The following ADGRV1 variants were observed in gnomAD, a reference collection of about 807,000 sequenced individuals.
The protein encoded by ADGRV1 is adhesion G protein-coupled receptor V1.
In ADGRV1, 359 loss-of-function variants were observed where a neutral mutation model predicts 596.2. The ratio of observed to expected loss-of-function variants is 0.60; its 90% CI spans 0.55 to 0.66. The LOEUF is 0.66. Ranked by LOEUF, ADGRV1 falls within the 30% of genes least tolerant of loss-of-function variation. The pLI is 0.00. For missense variants in ADGRV1, 7,274 were observed against 7,575.6 expected (o/e 0.96, Z 1.48); for synonymous variants, 2,681 against 2,679.2 (o/e 1.00, Z -0.02).
At chr5:90,634,815 A>G (rs1765953088) in intron 9 of ADGRV1, among the ~76,000 whole-genome samples, 1 of 150,482 alleles carries the variant, frequency 6.6e-6, no homozygotes, top group South Asian at 2.1e-4. Flanking sequence ...GCAGTTAGTT[A>G]TAATGATTTG....
At chr5:90,650,359 G>C (rs970579353) in intron 17 of ADGRV1, among the ~76,000 whole-genome samples, 6 of 152,020 alleles carry the variant, frequency 3.9e-5, no homozygotes, top group African/African-American at 1.2e-4. Context: ...CCAAAATTAG[G>C]TTTTATTATT....
intron 84 of ADGRV1, among the ~76,000 whole-genome samples, chr5:90,983,477 A>G (rs1780246673): frequency 6.6e-6 from 1 of 152,200 alleles, no homozygotes; most frequent in African/African-American, 2.4e-5. Flanking sequence ...TTACGATGTC[A>G]CATGGATGCA....
intron 74 of ADGRV1, among the ~76,000 whole-genome samples, chr5:90,813,167 T>TAAAAAAAAAAAAAAA (rs1561786626): frequency 9.6e-6 from 1 of 104,336 alleles, no homozygotes; most frequent in Non-Finnish European, 1.9e-5. Context: ...AAAAAAAATT[T>TAAAAAAAAAAAAAAA]ATTTGGCAGT....
chr5:90,635,476 G>A (rs1349178370), intron 10 of ADGRV1, among the ~76,000 whole-genome samples, 186 bp downstream of exon 10: 1 of 152,144 alleles, frequency 6.6e-6, no homozygotes. Flanking sequence ...ATCGTTTACA[G>A]TATTAGATAG....
chr5:90,731,634 G>A (rs1752559171), intron 50 of ADGRV1, among the ~76,000 whole-genome samples: 2 of 152,174 alleles, frequency 1.3e-5, no homozygotes, highest in Non-Finnish European at 1.5e-5. Flanking sequence ...AAGTGCCAGC[G>A]ACAGAGGATT....
In ADGRV1 at chr5:90,728,734, C is replaced by A; in HGVS notation, c.10227C>A (p.Thr3409=). The change falls in exon 49 of 90, where the codon ACC becomes ACA. Residue 3409 remains threonine, a synonymous_variant. Transcript: ENST00000405460. ...AACTCCCTGTCCGAGGTGTGCTGACCGTGGCCTTGTTCAACAAGGGAGGCT... is the reference window on the plus strand; with the variant it reads ...AACTCCCTGTCCGAGGTGTGCTGACAGTGGCCTTGTTCAACAAGGGAGGCT... ...HQKLPVRGVL[T]VALFNKGGSV... is the part of the protein sequence containing the mutation. 5 of 1,613,812 alleles carry A rather than the reference C, an allele frequency of 3.1e-6. No homozygotes were observed. Among genetic ancestry groups the A allele is most frequent in the South Asian group, 1.1e-5 (1 of 91,070 alleles).
intron 9 of ADGRV1, among the ~76,000 whole-genome samples, chr5:90,634,018 A>C (rs16868881): frequency 0.012 from 1,901 of 152,328 alleles, 40 homozygotes; most frequent in African/African-American, 0.044. Context: ...ACTTAGTGTC[A>C]TCATTTCAAT....
intron 50 of ADGRV1, among the ~76,000 whole-genome samples, chr5:90,742,937 G>C (rs1047800928): frequency 2.6e-5 from 4 of 152,192 alleles, no homozygotes; most frequent in African/African-American, 9.7e-5. Flanking sequence ...TTGCTTGGGA[G>C]AGGACCAGGC....
At chr5:91,151,996 G>A (rs1161011776) in intron 88 of ADGRV1, among the ~76,000 whole-genome samples, 3 of 152,224 alleles carry the variant, frequency 2.0e-5, no homozygotes, top group African/African-American at 7.2e-5. Context: ...ATAGGCAGTA[G>A]CTGTAACCTG....
At chr5:90,894,296 T>C (rs1771095528) in intron 83 of ADGRV1, among the ~76,000 whole-genome samples, 1 of 152,162 alleles carries the variant, frequency 6.6e-6, no homozygotes, top group Admixed American at 6.5e-5. Flanking sequence ...TGTGTTCATT[T>C]TCATTATTAT....
intron 75 of ADGRV1, among the ~76,000 whole-genome samples, chr5:90,821,508 C>A (rs1763501662): frequency 6.6e-6 from 1 of 151,092 alleles, no homozygotes; most frequent in Non-Finnish European, 1.5e-5. Flanking sequence ...TTTAGAGTTT[C>A]CAGTTTTTCT....
intron 83 of ADGRV1, among the ~76,000 whole-genome samples, chr5:90,886,844 T>C (rs1263201024): frequency 1.3e-5 from 2 of 152,242 alleles, no homozygotes; most frequent in African/African-American, 2.4e-5. Context: ...AGCAAGACTT[T>C]TGTGTGCCAG....
At chr5:90,899,925 CA>C in intron 83 of ADGRV1, among the ~76,000 whole-genome samples, 1 of 152,244 alleles carries the variant, frequency 6.6e-6, no homozygotes, top group Middle Eastern at 3.4e-3. Context: ...GTGTCCTGTC[CA>C]CCTGAGATGA....
Position 90,807,757 on chromosome 5 carries a change from C to T in ADGRV1, c.14972+20C>T, listed in dbSNP as rs747100791. The T allele has an allele frequency of 1.3e-6, 2 of 1,507,176 alleles. No homozygotes were observed. The highest frequency in any genetic ancestry group is 2.3e-5 in the East Asian group (1 of 43,408). 93.4% of individuals were successfully genotyped at this position (1,507,176 alleles called of 1,614,324 possible). On this transcript the variant is annotated intron_variant, in intron 73 of 89. Coordinates refer to ENST00000405460, the MANE Select transcript of ADGRV1 (RefSeq NM_032119.4). ...ACTCCGGTAAGACCAACCTCATTCT[C>T]ACCCAAGAAATTCTCTGAGGAATAA...
At chr5:90,931,865 A>G (rs1321857148) in intron 83 of ADGRV1, among the ~76,000 whole-genome samples, 1 of 152,198 alleles carries the variant, frequency 6.6e-6, no homozygotes, top group Admixed American at 6.5e-5. Context: ...TGCTGCTTAA[A>G]TAAATTTAAG....
At chr5:90,630,565 T>C (rs531075385) in intron 9 of ADGRV1, 1 of 152,298 alleles carries the variant, frequency 6.6e-6, no homozygotes, top group East Asian at 1.9e-4. Context: ...ACTTATTAAA[T>C]TATGTAAATC....
intron 85 of ADGRV1, among the ~76,000 whole-genome samples, chr5:90,986,118 A>G (rs1000020632): frequency 2.7e-5 from 4 of 147,918 alleles, no homozygotes; most frequent in African/African-American, 7.4e-5. Context: ...ATGCATATAT[A>G]TATATATATG....
chr5:91,000,685 TG>T (rs1184495700), intron 85 of ADGRV1, among the ~76,000 whole-genome samples: 1 of 151,448 alleles, frequency 6.6e-6, no homozygotes, highest in East Asian at 1.9e-4. Context: ...TGTGTGTGTG[TG>T]TGTGTGTGTG....
At chr5:90,583,384 A>G (rs1337878340) in intron 1 of ADGRV1, among the ~76,000 whole-genome samples, 1 of 152,160 alleles carries the variant, frequency 6.6e-6, no homozygotes, top group African/African-American at 2.4e-5. Context: ...TGAAAAAAAC[A>G]TTGAGCTGGC....
Sources: allele counts gnomAD v4.1 joint callset (sites outside exome capture counted in the v4.1 genomes callset), GRCh38; gene constraint gnomAD v4.1.1; transcripts MANE v1.5; gene names NCBI Gene and HGNC (gene_info 2026-07-23, HGNC 2026-07-21).